OR2L13: variants seen among roughly 807,000 people sequenced by gnomAD.
The protein encoded by OR2L13 is olfactory receptor 2L13.
Under a neutral mutation model 15.3 loss-of-function variants are expected in OR2L13, and 14 were observed. That is an observed-to-expected ratio of 0.91 (90% CI 0.60 to 1.43). The LOEUF (loss-of-function observed/expected upper bound fraction) is 1.43. Among genes scored for constraint, OR2L13 ranks in the 40% most tolerant of loss-of-function variants. The pLI, the probability that OR2L13 is intolerant of heterozygous loss-of-function variation, is 0.00. For missense variants in OR2L13, 367 were observed against 387.9 expected, an observed-to-expected ratio of 0.95 and a Z score of 0.45; for synonymous variants, 152 against 142.9, an observed-to-expected ratio of 1.06 and a Z score of -0.45.
the OR2L13 span, among the ~76,000 whole-genome samples, chr1:247,999,776 T>G: frequency 1.3e-5 from 2 of 152,132 alleles, no homozygotes; most frequent in African/African-American, 4.8e-5. Context: ...GACATGCAGA[T>G]TCAGGTACAG....
chr1:247,967,045 C>CACACACACACACACACACA, the OR2L13 span, among the ~76,000 whole-genome samples: 3 of 147,410 alleles, frequency 2.0e-5, no homozygotes, highest in African/African-American at 5.0e-5. Flanking sequence ...ACACCACACA[C>CACACACACACACACACACA]CACACACACA....
At chr1:247,961,008 A>T in the OR2L13 span, among the ~76,000 whole-genome samples, 1 of 152,120 alleles carries the variant, frequency 6.6e-6, no homozygotes, top group Non-Finnish European at 1.5e-5. Flanking sequence ...GAAATGCAGA[A>T]ATTACCCGTC....
the OR2L13 span, among the ~76,000 whole-genome samples, chr1:248,031,422 A>G: frequency 2.0e-5 from 3 of 152,350 alleles, no homozygotes; most frequent in Middle Eastern, 6.8e-3. Context: ...TTTTTCTTCC[A>G]AGCTTAGCTG....
chr1:247,993,631 A>G, the OR2L13 span, among the ~76,000 whole-genome samples: 5 of 152,110 alleles, frequency 3.3e-5, no homozygotes, highest in African/African-American at 7.2e-5. Flanking sequence ...TGTTGTATGC[A>G]TGATACTTAG....
chr1:247,990,803 A>T, the OR2L13 span: 1 of 1,602,956 alleles, frequency 6.2e-7, no homozygotes, highest in Non-Finnish European at 8.5e-7. Context: ...TTTTTCTGTG[A>T]TGTTCCAGCT....
chr1:248,071,956 C>T, the OR2L13 span, among the ~76,000 whole-genome samples: 1 of 151,588 alleles, frequency 6.6e-6, no homozygotes, highest in African/African-American at 2.4e-5. Flanking sequence ...AACTACAAAC[C>T]ACTGCTCAAT....
chr1:248,025,970 G>A, the OR2L13 span, among the ~76,000 whole-genome samples: 1 of 151,566 alleles, frequency 6.6e-6, no homozygotes, highest in East Asian at 1.9e-4. Flanking sequence ...GAGGGGGGAA[G>A]GATAGCATAG....
the OR2L13 span, chr1:247,939,601 A>G: frequency 6.6e-6 from 1 of 152,176 alleles, no homozygotes; most frequent in South Asian, 2.1e-4. Flanking sequence ...CTAGAGCAAC[A>G]TTCTACATAA....
At chr1:248,004,406 T>C in the OR2L13 span, among the ~76,000 whole-genome samples, 1 of 152,242 alleles carries the variant, frequency 6.6e-6, no homozygotes, top group Admixed American at 6.5e-5. Context: ...TGTCAATTTA[T>C]TTTCCAGTAA....
chr1:247,945,934 G>A, the OR2L13 span, among the ~76,000 whole-genome samples: 1 of 152,010 alleles, frequency 6.6e-6, no homozygotes, highest in African/African-American at 2.4e-5. Flanking sequence ...ACCAATGGGT[G>A]ACTTTGGGTA....
chr1:247,998,008 T>G, the OR2L13 span, among the ~76,000 whole-genome samples: 1 of 152,142 alleles, frequency 6.6e-6, no homozygotes, highest in Non-Finnish European at 1.5e-5. Flanking sequence ...AAAAATGACT[T>G]TGTTTCTATG....
At chr1:248,021,453 C>A in the OR2L13 span, among the ~76,000 whole-genome samples, 1 of 152,212 alleles carries the variant, frequency 6.6e-6, no homozygotes, top group Non-Finnish European at 1.5e-5. Context: ...CTGTGATCAA[C>A]TGCAGTCTGA....
chr1:248,055,581 C>T, the OR2L13 span, among the ~76,000 whole-genome samples: 1 of 152,110 alleles, frequency 6.6e-6, no homozygotes, highest in African/African-American at 2.4e-5. Context: ...CTTCGTGAAA[C>T]CCTATCTCTA....
the OR2L13 span, among the ~76,000 whole-genome samples, chr1:248,079,845 A>G: frequency 6.6e-6 from 1 of 152,200 alleles, no homozygotes. Context: ...CAAAAGAAAA[A>G]CCACAAAATA....
At chr1:248,055,093 A>G in the OR2L13 span, among the ~76,000 whole-genome samples, 4 of 152,212 alleles carry the variant, frequency 2.6e-5, no homozygotes, top group East Asian at 1.9e-4. Flanking sequence ...AATGGCTCTT[A>G]TTATTTTGAT....
chr1:248,042,508 TAAAA>T, the OR2L13 span, among the ~76,000 whole-genome samples: 3 of 150,820 alleles, frequency 2.0e-5, no homozygotes, highest in Admixed American at 6.6e-5. Context: ...AGTACAATAA[TAAAA>T]AATAAATAAA....
At chr1:248,096,429 A>T (rs1664743472), upstream of OR2L13, among the ~76,000 whole-genome samples, 1 of 152,148 alleles carries the variant, frequency 6.6e-6, no homozygotes, top group South Asian at 2.1e-4. Context: ...AATGTAAAAA[A>T]AGGTAACATG....
At chr1:248,060,518 A>T in the OR2L13 span, 1 of 609,990 alleles carries the variant, frequency 1.6e-6, no homozygotes, top group Non-Finnish European at 2.9e-6. Context: ...ACTTTATCAG[A>T]AGTATGTGTG....
the OR2L13 span, among the ~76,000 whole-genome samples, chr1:247,944,953 A>T: frequency 6.6e-6 from 1 of 150,952 alleles, no homozygotes; most frequent in Admixed American, 6.6e-5. Flanking sequence ...TTTTTCAAAA[A>T]CCAGCTCCTG....
Sources: gnomAD v4.1 joint callset for allele counts (sites outside exome capture counted in the v4.1 genomes callset) on GRCh38, gnomAD v4.1.1 for gene constraint, MANE v1.5 for transcripts, NCBI Gene and HGNC (gene_info 2026-07-23, HGNC 2026-07-21) for gene names.